The following ARHGAP24 variants were observed in gnomAD, a reference collection of about 807,000 sequenced individuals.
The protein encoded by ARHGAP24 is Rho GTPase activating protein 24.
ARHGAP24 carries 50 observed loss-of-function variants against 76.4 expected under a neutral mutation model. The observed-to-expected ratio is 0.65, with a 90% confidence interval of 0.52 to 0.83. The LOEUF is 0.83. Among genes scored for constraint, ARHGAP24 ranks in the 40% least tolerant of loss-of-function variants. ARHGAP24 has a pLI of 0.00. For synonymous variants in ARHGAP24, 345 were observed against 323.3 expected (o/e 1.07, Z -0.72); for missense variants, 930 against 914.2 (o/e 1.02, Z -0.22).
intron 3 of ARHGAP24, among the ~76,000 whole-genome samples, chr4:85,799,407 C>T (rs559335063): frequency 2.6e-4 from 39 of 151,810 alleles, no homozygotes; most frequent in Non-Finnish European, 3.8e-4. Context: ...ATAATTTGAG[C>T]AAGGAAAGAA....
intron 5 of ARHGAP24, among the ~76,000 whole-genome samples, chr4:85,963,296 T>C (rs1350998457): frequency 6.6e-6 from 1 of 152,108 alleles, no homozygotes; most frequent in Non-Finnish European, 1.5e-5. Context: ...ATTGTGTGCA[T>C]TTGAATGTTA....
At chr4:85,669,163 T>G (rs543131857) in intron 2 of ARHGAP24, among the ~76,000 whole-genome samples, 1 of 152,308 alleles carries the variant, frequency 6.6e-6, no homozygotes, top group East Asian at 1.9e-4. Flanking sequence ...TGCTGAGCTC[T>G]CAAAATTCAC....
At chr4:85,532,610 G>T (rs1217781505) in intron 1 of ARHGAP24, among the ~76,000 whole-genome samples, 1 of 152,030 alleles carries the variant, frequency 6.6e-6, no homozygotes, top group African/African-American at 2.4e-5. Flanking sequence ...CAACTATTAT[G>T]TTTTGTGATC....
chr4:85,881,162 G>T (rs112151387), intron 3 of ARHGAP24, among the ~76,000 whole-genome samples: 213 of 152,274 alleles, frequency 1.4e-3, no homozygotes, highest in Non-Finnish European at 2.0e-3. Context: ...CAGGCAGGTA[G>T]TGTATACAGC....
chr4:85,903,658 T>TA (rs1167486359), intron 3 of ARHGAP24, among the ~76,000 whole-genome samples: 10 of 152,122 alleles, frequency 6.6e-5, no homozygotes, highest in Admixed American at 5.2e-4. Flanking sequence ...TTTAGAGCTT[T>TA]AAAAAATATA....
intron 1 of ARHGAP24, among the ~76,000 whole-genome samples, chr4:85,565,473 A>C (rs554085366): frequency 2.0e-5 from 3 of 152,302 alleles, no homozygotes; most frequent in African/African-American, 7.2e-5. Context: ...GTAGGAAATC[A>C]TGTGCACTCA....
chr4:85,660,256 A>G (rs1233878813), intron 2 of ARHGAP24, among the ~76,000 whole-genome samples: 1 of 152,222 alleles, frequency 6.6e-6, no homozygotes, highest in African/African-American at 2.4e-5. Context: ...TGTACTTGCT[A>G]ATGATTGAAT....
chr4:85,574,466 T>C (rs1024515248), intron 2 of ARHGAP24, among the ~76,000 whole-genome samples: 1 of 152,050 alleles, frequency 6.6e-6, no homozygotes, highest in African/African-American at 2.4e-5. Flanking sequence ...GGTAGATAAA[T>C]TGGGGAAAGG....
chr4:85,784,421 G>T (rs1727711634), intron 3 of ARHGAP24, among the ~76,000 whole-genome samples: 1 of 151,784 alleles, frequency 6.6e-6, no homozygotes, highest in Admixed American at 6.6e-5. Context: ...TTTCATATAG[G>T]CCTATGGCTT....
intron 2 of ARHGAP24, among the ~76,000 whole-genome samples, chr4:85,659,345 T>G (rs1722295994): frequency 6.6e-6 from 1 of 152,220 alleles, no homozygotes; most frequent in Non-Finnish European, 1.5e-5. Flanking sequence ...TATCAGATTT[T>G]CAAGGCCAAT....
Position 85,758,714 on chromosome 4 carries a change from G to T in ARHGAP24, c.268+36742G>T, listed in dbSNP as rs562971900. On this transcript the variant is annotated intron_variant, in intron 3 of 9. Coordinates refer to ENST00000395184, the MANE Select transcript of ARHGAP24 (RefSeq NM_001025616.3). ...CATCATAAGGAGGAACAACCTTGTG[G>T]AAGGTGGCAAGGACAAGATGAAGAC... Among the ~76,000 whole-genome samples, 7 of 152,314 alleles carry T rather than the reference G, an allele frequency of 4.6e-5. No homozygotes were observed. The East Asian group carries it at 1.2e-3, about 25-fold the overall frequency.
At chr4:85,505,703 C>A (rs910178571) in intron 1 of ARHGAP24, among the ~76,000 whole-genome samples, 1 of 151,800 alleles carries the variant, frequency 6.6e-6, no homozygotes, top group Admixed American at 6.6e-5. Flanking sequence ...TTGTTATTAC[C>A]GATCTTCTGA....
chr4:85,771,864 C>A (rs747582310), intron 3 of ARHGAP24, among the ~76,000 whole-genome samples: 1 of 152,106 alleles, frequency 6.6e-6, no homozygotes, highest in Non-Finnish European at 1.5e-5. Flanking sequence ...TGCGCACCAA[C>A]ACACCCAGCT....
At chr4:85,713,236 G>A (rs1202709234) in intron 2 of ARHGAP24, among the ~76,000 whole-genome samples, 1 of 152,144 alleles carries the variant, frequency 6.6e-6, no homozygotes, top group Non-Finnish European at 1.5e-5. Flanking sequence ...AGCCTGGGAG[G>A]CTGAGGTTGC....
intron 4 of ARHGAP24, among the ~76,000 whole-genome samples, chr4:85,926,046 G>GAA (rs11440538): frequency 0.19 from 27,738 of 146,858 alleles, 2,685 homozygotes; most frequent in South Asian, 0.34. Context: ...GTGACTTCCT[G>GAA]AAAAAAAAAA....
chr4:85,797,778 A>G (rs532458356), intron 3 of ARHGAP24, among the ~76,000 whole-genome samples: 1 of 152,182 alleles, frequency 6.6e-6, no homozygotes, highest in Non-Finnish European at 1.5e-5. Flanking sequence ...AAGCCAGAAG[A>G]TGTGTTATTA....
chr4:85,618,163 C>T (rs928587694), intron 2 of ARHGAP24, among the ~76,000 whole-genome samples: 2 of 152,128 alleles, frequency 1.3e-5, no homozygotes, highest in Admixed American at 6.5e-5. Flanking sequence ...CTCACCCAGC[C>T]CCTGGCAGTT....
At chr4:85,482,672 A>G (rs1722862336) in intron 1 of ARHGAP24, among the ~76,000 whole-genome samples, 1 of 152,240 alleles carries the variant, frequency 6.6e-6, no homozygotes, top group Non-Finnish European at 1.5e-5. Context: ...TGATGTGACA[A>G]TTAAGAATGC....
chr4:86,000,087 T>G (rs1740922890), intron 9 of ARHGAP24: 1 of 159,900 alleles, frequency 6.3e-6, no homozygotes, highest in African/African-American at 2.4e-5. Context: ...CCTCTTTTTT[T>G]TTTTTTTTTG....
Sources: gnomAD v4.1 joint callset for allele counts (sites outside exome capture counted in the v4.1 genomes callset) on GRCh38, gnomAD v4.1.1 for gene constraint, MANE v1.5 for transcripts, NCBI Gene and HGNC (gene_info 2026-07-23, HGNC 2026-07-21) for gene names.